The following HMBOX1 variants were observed in gnomAD, a reference collection of about 807,000 sequenced individuals.
HMBOX1 encodes homeobox-containing protein 1.
In HMBOX1, 14 loss-of-function variants were observed where a neutral mutation model predicts 54.5. The observed-to-expected ratio is 0.26, with a 90% CI of 0.17 to 0.40. The LOEUF (loss-of-function observed/expected upper bound fraction) is 0.40. Among genes scored for constraint, HMBOX1 ranks in the 10% least tolerant of loss-of-function variants. HMBOX1 has a pLI of 1.00. For synonymous variants in HMBOX1, 160 were observed against 181.0 expected (o/e 0.88, Z 0.93); for missense variants, 332 against 514.4 (o/e 0.65, Z 3.43).
At chr8:29,049,379 G>A (rs767383632) in intron 9 of HMBOX1, 61 of 1,529,550 alleles carry the variant, frequency 4.0e-5, no homozygotes, top group Non-Finnish European at 5.1e-5. Flanking sequence ...AAGAGAGGAG[G>A]ATCTGATCCA....
chr8:28,922,802 T>C (rs1217031497), intron 1 of HMBOX1, among the ~76,000 whole-genome samples: 1 of 152,190 alleles, frequency 6.6e-6, no homozygotes, highest in Non-Finnish European at 1.5e-5. Context: ...TGAAATCTCA[T>C]TTATCCAGAG....
chr8:29,019,633 C>G (rs1800860549), intron 6 of HMBOX1, among the ~76,000 whole-genome samples: 1 of 152,132 alleles, frequency 6.6e-6, no homozygotes, highest in Non-Finnish European at 1.5e-5. Flanking sequence ...TTTTTCTTAT[C>G]TGACCTGACT....
chr8:28,992,184 T>G (rs552918247), intron 4 of HMBOX1, among the ~76,000 whole-genome samples: 2 of 152,318 alleles, frequency 1.3e-5, no homozygotes, highest in African/African-American at 4.8e-5. Flanking sequence ...ACTTATTATG[T>G]AACTTTGGCC....
At chr8:28,950,702 T>C (rs940321429) in intron 1 of HMBOX1, among the ~76,000 whole-genome samples, 1 of 152,162 alleles carries the variant, frequency 6.6e-6, no homozygotes, top group African/African-American at 2.4e-5. Context: ...CACAACTGTA[T>C]AGAGGTAGAG....
intron 1 of HMBOX1, among the ~76,000 whole-genome samples, chr8:28,939,954 C>T (rs1261109834): frequency 6.6e-6 from 1 of 152,066 alleles, no homozygotes; most frequent in East Asian, 1.9e-4. Context: ...CATGATGTTC[C>T]CTTTGCTTCT....
chr8:28,900,790 T>A (rs1025533815), intron 1 of HMBOX1, among the ~76,000 whole-genome samples: 2 of 152,110 alleles, frequency 1.3e-5, no homozygotes. Flanking sequence ...GTAAGCGAGT[T>A]TTTTTTGTTT....
intron 6 of HMBOX1, among the ~76,000 whole-genome samples, chr8:29,034,706 A>G (rs932744105): frequency 6.6e-6 from 1 of 152,142 alleles, no homozygotes; most frequent in African/African-American, 2.4e-5. Flanking sequence ...AAATACAGAA[A>G]AATAGCCAGG....
intron 4 of HMBOX1, among the ~76,000 whole-genome samples, chr8:28,996,328 G>C (rs766657718): frequency 6.6e-6 from 1 of 152,044 alleles, no homozygotes; most frequent in African/African-American, 2.4e-5. Context: ...CTGTGTATAC[G>C]TGAACTTATA....
At chr8:28,930,757 A>C (rs1411401710) in intron 1 of HMBOX1, among the ~76,000 whole-genome samples, 1 of 152,164 alleles carries the variant, frequency 6.6e-6, no homozygotes, top group Non-Finnish European at 1.5e-5. Flanking sequence ...TACTTTTTGA[A>C]ATCAGAGTCT....
chr8:28,979,694 T>A (rs1262226333), intron 3 of HMBOX1, among the ~76,000 whole-genome samples: 1 of 152,210 alleles, frequency 6.6e-6, no homozygotes, highest in Non-Finnish European at 1.5e-5. Flanking sequence ...TTGTTGTTGC[T>A]CTTTATTTTT....
chr8:28,912,677 T>C (rs1563372796), intron 1 of HMBOX1, among the ~76,000 whole-genome samples: 1 of 152,232 alleles, frequency 6.6e-6, no homozygotes. Flanking sequence ...TTTCTTCTTT[T>C]GGAGGCTGCT....
intron 1 of HMBOX1, among the ~76,000 whole-genome samples, chr8:28,895,155 C>T (rs1385069753): frequency 6.6e-6 from 1 of 152,194 alleles, no homozygotes; most frequent in Non-Finnish European, 1.5e-5. Context: ...AGTATGTATT[C>T]TCTCTGGCTG....
At chr8:29,008,994 A>G in intron 4 of HMBOX1, 78 bp from the exon 5 acceptor site, 1 of 1,118,904 alleles carries the variant, frequency 8.9e-7, no homozygotes, top group Non-Finnish European at 1.3e-6. Context: ...AGCACCCAGT[A>G]ACCTAGAACC....
intron 4 of HMBOX1, among the ~76,000 whole-genome samples, chr8:28,995,514 T>C (rs926643136): frequency 4.6e-5 from 7 of 152,244 alleles, no homozygotes; most frequent in African/African-American, 1.7e-4. Flanking sequence ...GAAATGTGCC[T>C]AGAAATAGAA....
intron 1 of HMBOX1, among the ~76,000 whole-genome samples, chr8:28,918,503 A>G (rs1816968796): frequency 6.6e-6 from 1 of 152,136 alleles, no homozygotes; most frequent in Non-Finnish European, 1.5e-5. Flanking sequence ...ACGCCTGGCC[A>G]TGTTGTTTCT....
At chr8:29,026,043 T>C (rs951665702) in intron 6 of HMBOX1, among the ~76,000 whole-genome samples, 6 of 143,482 alleles carry the variant, frequency 4.2e-5, no homozygotes, top group African/African-American at 1.6e-4. Context: ...TGCTACCATG[T>C]ACACACACAC....
intron 1 of HMBOX1, among the ~76,000 whole-genome samples, chr8:28,918,194 GTTATTT>G (rs983654983): frequency 6.6e-6 from 1 of 151,968 alleles, no homozygotes; most frequent in Non-Finnish European, 1.5e-5. Flanking sequence ...AACTATTCAT[GTTATTT>G]TTATTTTTAT....
rs559062753 is a variant in HMBOX1 at position 28,906,779 on chromosome 8, C to T, written c.-58+16101C>T. Among the ~76,000 whole-genome samples the T allele has an allele frequency of 1.3e-3, 205 of 152,064 alleles. 1 individual carries two copies. Among genetic ancestry groups the T allele is most frequent in the Non-Finnish European group, 2.4e-3 (160 of 67,976 alleles). The stretch of plus-strand genomic sequence containing the variant: ...TAATTTTTTGTATTTTTAGTAGAGA[C>T]GGGGTTTCACCATATTGAACCAGGC... On this transcript the variant is annotated intron_variant, in intron 1 of 9. Coordinates refer to ENST00000287701, the MANE Select transcript of HMBOX1 (RefSeq NM_001135726.3).
chr8:28,956,901 A>G (rs1824555756), intron 1 of HMBOX1, among the ~76,000 whole-genome samples: 2 of 152,238 alleles, frequency 1.3e-5, no homozygotes, highest in South Asian at 4.1e-4. Context: ...AATGCTTATC[A>G]TTAATCATCA....
Sources: allele counts gnomAD v4.1 joint callset (sites outside exome capture counted in the v4.1 genomes callset), GRCh38; gene constraint gnomAD v4.1.1; transcripts MANE v1.5; gene names NCBI Gene and HGNC (gene_info 2026-07-23, HGNC 2026-07-21).